The following PTK2 variants were observed in gnomAD, a reference collection of about 807,000 sequenced individuals.
PTK2 encodes protein tyrosine kinase 2, also known as focal adhesion kinase 1.
A neutral mutation model predicts 150.1 loss-of-function variants in PTK2; 45 were observed. That is an observed-to-expected ratio of 0.30 (90% CI 0.24 to 0.38). The LOEUF is 0.38. Among genes scored for constraint, PTK2 ranks in the 10% least tolerant of loss-of-function variants. The pLI is 1.00. For missense variants in PTK2, 919 were observed against 1,307.3 expected, an observed-to-expected ratio of 0.70 and a Z score of 4.58; for synonymous variants, 432 against 449.2, an observed-to-expected ratio of 0.96 and a Z score of 0.48.
rs67640984 is a variant in PTK2, at chr8:140,692,641, C to CA, written c.2500-5948dup. On this transcript the variant is annotated intron_variant, in intron 26 of 31. Coordinates refer to ENST00000522684, the Ensembl canonical transcript of PTK2. ...TCAAAACAAACAAAAACAAACAAGCCAAAAAAAAAAAACAGTTCGGCTTAG... is the reference window on the plus strand; with the variant it reads ...TCAAAACAAACAAAAACAAACAAGCCAAAAAAAAAAAAACAGTTCGGCTTAG... Among the ~76,000 whole-genome samples, 1,154 of 144,256 alleles carry CA rather than the reference C, an allele frequency of 8.0e-3. 11 individuals are homozygous for CA. The highest frequency in any genetic ancestry group is 0.021 in the African/African-American group (813 of 39,504). 94.6% of individuals were successfully genotyped at this position (144,256 alleles called of 152,430 possible).
chr8:140,989,885 G>A (rs2100195018), intron 1 of PTK2, among the ~76,000 whole-genome samples: 2 of 143,880 alleles, frequency 1.4e-5, no homozygotes, highest in South Asian at 4.6e-4. Flanking sequence ...TCCAGTCTGG[G>A]CAACAAGAGC....
At chr8:140,977,378 C>T (rs1259984256) in intron 1 of PTK2, among the ~76,000 whole-genome samples, 3 of 152,188 alleles carry the variant, frequency 2.0e-5, no homozygotes, top group Non-Finnish European at 4.4e-5. Context: ...AATCCCAGCA[C>T]TTTGGGAGGC....
chr8:140,707,164 T>A (rs979009147), intron 23 of PTK2, among the ~76,000 whole-genome samples: 6 of 152,104 alleles, frequency 3.9e-5, no homozygotes, highest in African/African-American at 1.2e-4. Context: ...AGCAAGTACA[T>A]AAGTGGTTGC....
chr8:140,812,510 T>C (rs2100102195), intron 10 of PTK2, among the ~76,000 whole-genome samples: 2 of 152,202 alleles, frequency 1.3e-5, no homozygotes, highest in South Asian at 4.1e-4. Context: ...GCTAACACCA[T>C]GATGGCAGGA....
chr8:140,976,058 T>C (rs1281923147), intron 1 of PTK2, among the ~76,000 whole-genome samples: 1 of 152,196 alleles, frequency 6.6e-6, no homozygotes, highest in Non-Finnish European at 1.5e-5. Flanking sequence ...ACACAGTAAC[T>C]GCACATATAA....
At position 140,998,544 on chromosome 8, in the gene PTK2, C is replaced by A. The variant is rs113656176; in HGVS notation, c.-122+2581G>T. The stretch of plus-strand genomic sequence containing the variant: ...AAAACAACAGGATCTTCAGGCCAGG[C>A]GCAGTGGCTCACGCCTGTAATCCCA... On this transcript the variant is annotated intron_variant, in intron 1 of 31. Transcript: ENST00000522684. Among the ~76,000 whole-genome samples the A allele has an allele frequency of 4.2e-3, 635 of 151,954 alleles. 8 individuals are homozygous for A. The highest frequency in any genetic ancestry group is 0.014 in the African/African-American group (594 of 41,450).
chr8:140,764,147 C>G (rs1305259815), intron 15 of PTK2, 87 bp downstream of exon 17: 1 of 1,116,858 alleles, frequency 9.0e-7, no homozygotes, highest in South Asian at 1.2e-5. Context: ...AAAAATGGCT[C>G]TAAAAAGACA....
intron 4 of PTK2, among the ~76,000 whole-genome samples, chr8:140,868,316 G>A (rs115764554): frequency 6.6e-6 from 1 of 152,134 alleles, no homozygotes; most frequent in South Asian, 2.1e-4. Context: ...AATGTGGTGT[G>A]AACAGTCTGT....
intron 27 of PTK2, among the ~76,000 whole-genome samples, chr8:140,680,645 A>G (rs73714727): frequency 0.035 from 5,297 of 152,272 alleles, 291 homozygotes; most frequent in African/African-American, 0.12. Flanking sequence ...CTAAATAGCT[A>G]GTATCTTGAA....
chr8:140,766,372 GC>G (rs1220533693), intron 14 of PTK2, among the ~76,000 whole-genome samples: 22 of 152,286 alleles, frequency 1.4e-4, no homozygotes, highest in African/African-American at 5.3e-4. Context: ...CAAAGCTTAT[GC>G]TGGCCTAGAG....
intron 1 of PTK2, among the ~76,000 whole-genome samples, chr8:140,948,515 A>G (rs969134945): frequency 3.1e-4 from 47 of 152,234 alleles, no homozygotes; most frequent in African/African-American, 1.1e-3. Flanking sequence ...AGACTTCTAA[A>G]AGAAAAATAC....
chr8:140,768,364 T>C (rs564441915), intron 14 of PTK2, among the ~76,000 whole-genome samples: 3 of 152,312 alleles, frequency 2.0e-5, no homozygotes, highest in East Asian at 1.9e-4. Context: ...GAGAAATTCA[T>C]AGGTGGGAAA....
At chr8:140,926,346 G>C (rs1040085486) in intron 1 of PTK2, among the ~76,000 whole-genome samples, 6 of 152,118 alleles carry the variant, frequency 3.9e-5, no homozygotes, top group Admixed American at 1.3e-4. Context: ...TTGGACACCA[G>C]CCAGATGACA....
intron 5 of PTK2, among the ~76,000 whole-genome samples, chr8:140,850,147 T>G (rs1035172270): frequency 1.3e-5 from 2 of 152,130 alleles, no homozygotes; most frequent in African/African-American, 4.8e-5. Context: ...ATTTGTTGGC[T>G]AGGCACAGTG....
At chr8:140,689,508 T>TAAA (rs2100021896) in intron 26 of PTK2, among the ~76,000 whole-genome samples, 1 of 152,204 alleles carries the variant, frequency 6.6e-6, no homozygotes, top group Admixed American at 6.5e-5. Context: ...GGACAACTGG[T>TAAA]AAAATATGAA....
intron 29 of PTK2, chr8:140,669,955 G>C (rs564125990): frequency 1.8e-5 from 11 of 598,218 alleles, no homozygotes; most frequent in African/African-American, 1.3e-4. Flanking sequence ...ACTGCATAGA[G>C]AGGTCTGCCA....
At chr8:140,909,619 TAC>T (rs2100162305) in intron 2 of PTK2, 1 of 152,230 alleles carries the variant, frequency 6.6e-6, no homozygotes, top group Non-Finnish European at 1.5e-5. Flanking sequence ...ACAGGTTCCA[TAC>T]CTGTAAAGTG....
chr8:140,847,830 T>A (rs559691800), intron 5 of PTK2, among the ~76,000 whole-genome samples: 12 of 152,308 alleles, frequency 7.9e-5, no homozygotes, highest in African/African-American at 2.9e-4. Flanking sequence ...CCTCCTAGCC[T>A]GCTAGCCCAT....
upstream of PTK2, among the ~76,000 whole-genome samples, chr8:141,001,545 G>A (rs917264071): frequency 5.4e-5 from 8 of 148,096 alleles, no homozygotes; most frequent in African/African-American, 2.0e-4. Context: ...CTGGTCTCGG[G>A]GGTGGCCGGG....
Sources: gnomAD v4.1 joint callset for allele counts (sites outside exome capture counted in the v4.1 genomes callset) on GRCh38, gnomAD v4.1.1 for gene constraint, MANE v1.5 for transcripts, NCBI Gene and HGNC (gene_info 2026-07-23, HGNC 2026-07-21) for gene names.